Variants in SOX5 observed in about 807,000 individuals in gnomAD.
SOX5 encodes transcription factor SOX-5.
A neutral mutation model predicts 92.0 loss-of-function variants in SOX5; 9 were observed. The observed-to-expected ratio is 0.10, with a 90% CI of 0.06 to 0.17. The LOEUF (loss-of-function observed/expected upper bound fraction) is 0.17, where lower values mean the gene tolerates loss of function less well. Ranked by LOEUF, SOX5 falls within the 10% of genes least tolerant of loss-of-function variation. The pLI, the probability that SOX5 is intolerant of heterozygous loss-of-function variation, is 1.00. For missense variants in SOX5, 642 were observed against 944.5 expected (o/e 0.68, Z 4.20); for synonymous variants, 344 against 336.3 (o/e 1.02, Z -0.25).
chr12:23,836,764 C>G (rs1293067273), intron 3 of SOX5, among the ~76,000 whole-genome samples: 5 of 151,920 alleles, frequency 3.3e-5, no homozygotes, highest in African/African-American at 1.2e-4. Context: ...TCATCACAAC[C>G]TGCTGTTCAT....
At chr12:23,785,455 A>T (rs889620271) in intron 3 of SOX5, among the ~76,000 whole-genome samples, 10 of 152,198 alleles carry the variant, frequency 6.6e-5, no homozygotes, top group South Asian at 2.1e-4. Context: ...AAAATTAAAT[A>T]AAAAAATTTT....
At chr12:23,691,616 T>C (rs921775195) in intron 6 of SOX5, among the ~76,000 whole-genome samples, 1 of 152,198 alleles carries the variant, frequency 6.6e-6, no homozygotes, top group Non-Finnish European at 1.5e-5. Flanking sequence ...AATTTAATTT[T>C]TTCCTAATAA....
intron 4 of SOX5, among the ~76,000 whole-genome samples, chr12:23,980,635 T>A (rs1352601999): frequency 1.3e-5 from 2 of 152,202 alleles, no homozygotes; most frequent in African/African-American, 2.4e-5. Context: ...TATATTCCCA[T>A]TTGGCATTTC....
intron 2 of SOX5, among the ~76,000 whole-genome samples, chr12:24,352,375 T>C (rs940284024): frequency 2.0e-5 from 3 of 150,988 alleles, no homozygotes; most frequent in African/African-American, 7.3e-5. Context: ...TGGCTCTTTC[T>C]AAAAAAAAAG....
intron 1 of SOX5, among the ~76,000 whole-genome samples, chr12:24,485,288 C>T (rs527814023): frequency 1.3e-5 from 2 of 152,072 alleles, no homozygotes; most frequent in Non-Finnish European, 2.9e-5. Flanking sequence ...TAAATAATTG[C>T]AAGATTTTTC....
chr12:23,787,254 G>A (rs558969061), intron 3 of SOX5, among the ~76,000 whole-genome samples: 1 of 151,986 alleles, frequency 6.6e-6, no homozygotes, highest in Non-Finnish European at 1.5e-5. Flanking sequence ...AAAGTAACTG[G>A]TATGATAAAG....
chr12:24,064,337 C>T (rs1283892885), intron 4 of SOX5, among the ~76,000 whole-genome samples: 1 of 152,158 alleles, frequency 6.6e-6, no homozygotes, highest in Non-Finnish European at 1.5e-5. Flanking sequence ...TCCAAGATGA[C>T]TCTTATGTAC....
intron 1 of SOX5, among the ~76,000 whole-genome samples, chr12:23,924,849 T>C (rs372948205): frequency 1.3e-5 from 2 of 152,138 alleles, no homozygotes; most frequent in South Asian, 4.1e-4. Context: ...TAAGCTCATA[T>C]GATTAAATCC....
At chr12:24,164,951 C>A (rs572005690) in intron 4 of SOX5, among the ~76,000 whole-genome samples, 1 of 151,826 alleles carries the variant, frequency 6.6e-6, no homozygotes, top group African/African-American at 2.4e-5. Flanking sequence ...TTTAAAAAGT[C>A]CAGAGTGTAA....
At chr12:24,155,996 C>T (rs1425782320) in intron 4 of SOX5, among the ~76,000 whole-genome samples, 1 of 152,136 alleles carries the variant, frequency 6.6e-6, no homozygotes, top group East Asian at 1.9e-4. Context: ...AGACCTGATG[C>T]TCTCTTTAGT....
At chr12:24,334,132 T>C (rs763813006) in intron 2 of SOX5, among the ~76,000 whole-genome samples, 1 of 151,620 alleles carries the variant, frequency 6.6e-6, no homozygotes, top group Non-Finnish European at 1.5e-5. Context: ...AAAGAGTAAT[T>C]GTAAAACAAA....
intron 3 of SOX5, among the ~76,000 whole-genome samples, chr12:23,797,260 G>A (rs1177219474): frequency 6.6e-6 from 1 of 151,812 alleles, no homozygotes; most frequent in African/African-American, 2.4e-5. Flanking sequence ...AACCTGCAGG[G>A]TTTCTCTTTA....
chr12:24,514,983 A>T (rs1456843723), intron 1 of SOX5, among the ~76,000 whole-genome samples: 1 of 152,208 alleles, frequency 6.6e-6, no homozygotes, highest in African/African-American at 2.4e-5. Flanking sequence ...AATCTGTACA[A>T]CAAACTCCCA....
chr12:23,770,022 T>G (rs2094873422), intron 3 of SOX5, among the ~76,000 whole-genome samples: 1 of 151,116 alleles, frequency 6.6e-6, no homozygotes, highest in Non-Finnish European at 1.5e-5. Context: ...CCTTTTTTCA[T>G]ATATTTCAAG....
At chr12:24,064,134 T>C (rs1471069282) in intron 4 of SOX5, among the ~76,000 whole-genome samples, 2 of 152,184 alleles carry the variant, frequency 1.3e-5, no homozygotes. Context: ...AGCCTTTGAA[T>C]TGGAGACACC....
intron 4 of SOX5, among the ~76,000 whole-genome samples, chr12:24,197,902 T>C (rs947183226): frequency 6.6e-6 from 1 of 152,166 alleles, no homozygotes; most frequent in Non-Finnish European, 1.5e-5. Flanking sequence ...AATAAAATCC[T>C]GGTCTGCCCA....
At chr12:23,683,029 T>A (rs940875997) in intron 6 of SOX5, among the ~76,000 whole-genome samples, 14 of 151,830 alleles carry the variant, frequency 9.2e-5, no homozygotes, top group African/African-American at 2.9e-4. Context: ...TAAAACCACA[T>A]TTATATCAAC....
rs1566334348 is a variant in SOX5, at chr12:24,505,858, T to TGTGTGTGTGCGCGC, written c.-251+56470_-251+56471insGCGCGCACACACAC. Among the ~76,000 whole-genome samples, 279 of 71,186 alleles carry TGTGTGTGTGCGCGC rather than the reference T, an allele frequency of 3.9e-3. 2 individuals carry two copies. The highest frequency in any genetic ancestry group is 0.013 in the African/African-American group (272 of 20,564). 46.7% of individuals were successfully genotyped at this position (71,186 alleles called of 152,430 possible). The stretch of plus-strand genomic sequence containing the variant: ...GTGTGTGTGTGTGTGTGTGTGCGTG[T>TGTGTGTGTGCGCGC]GTGTGTGTGTGTGTGCGCATCACTG... On this transcript the variant is annotated intron_variant, in intron 1 of 4. Coordinates refer to the SOX5 transcript ENST00000446891.
chr12:23,750,777 T>C (rs2094155633), intron 4 of SOX5, among the ~76,000 whole-genome samples: 1 of 151,804 alleles, frequency 6.6e-6, no homozygotes, highest in Non-Finnish European at 1.5e-5. Flanking sequence ...TTAAGTACCT[T>C]AAAAAGTACA....
Sources: gnomAD v4.1 joint callset for allele counts (sites outside exome capture counted in the v4.1 genomes callset) on GRCh38, gnomAD v4.1.1 for gene constraint, MANE v1.5 for transcripts, NCBI Gene and HGNC (gene_info 2026-07-23, HGNC 2026-07-21) for gene names.